RBFOX3: variants seen among roughly 807,000 people sequenced by gnomAD.
RBFOX3 encodes the protein RNA binding protein fox-1 homolog 3.
RBFOX3 carries 17 observed loss-of-function variants against 48.7 expected under a neutral mutation model. The ratio of observed to expected loss-of-function variants is 0.35; its 90% CI spans 0.24 to 0.52. RBFOX3 has a LOEUF of 0.52. Ranked by LOEUF, RBFOX3 falls within the 20% of genes least tolerant of loss-of-function variation. RBFOX3 has a pLI of 0.94. For synonymous variants in RBFOX3, 212 were observed against 209.5 expected (o/e 1.01, Z -0.10); for missense variants, 382 against 497.5 (o/e 0.77, Z 2.21).
At chr17:79,564,105 A>G (rs2092363124) in intron 1 of RBFOX3, among the ~76,000 whole-genome samples, 1 of 152,206 alleles carries the variant, frequency 6.6e-6, no homozygotes, top group Non-Finnish European at 1.5e-5. Flanking sequence ...AAGGTCACAC[A>G]GCTAAGGAAA....
chr17:79,412,719 G>T (rs1045341360), intron 2 of RBFOX3, among the ~76,000 whole-genome samples: 2 of 151,686 alleles, frequency 1.3e-5, no homozygotes, highest in African/African-American at 4.9e-5. Context: ...ATGTGTGAGG[G>T]CATGGTGCAT....
intron 2 of RBFOX3, among the ~76,000 whole-genome samples, chr17:79,355,322 G>A (rs2084770559): frequency 1.3e-5 from 2 of 152,210 alleles, no homozygotes; most frequent in South Asian, 4.1e-4. Context: ...TGTTTGCAGA[G>A]CAGGCTGACT....
At chr17:79,485,117 G>A (rs1018363969) in intron 1 of RBFOX3, among the ~76,000 whole-genome samples, 1 of 152,126 alleles carries the variant, frequency 6.6e-6, no homozygotes, top group Non-Finnish European at 1.5e-5. Context: ...GGCTGCCCAG[G>A]GCCTGGGCGA....
At chr17:79,248,688 A>C (rs1377820113) in intron 3 of RBFOX3, among the ~76,000 whole-genome samples, 1 of 152,122 alleles carries the variant, frequency 6.6e-6, no homozygotes, top group Non-Finnish European at 1.5e-5. Flanking sequence ...CCTCCAGAGG[A>C]TTCTCACCCC....
At position 79,484,883 on chromosome 17, in the gene RBFOX3, C is replaced by T. The variant is rs372254806; in HGVS notation, c.-319-2285G>A. On this transcript the variant is annotated intron_variant, in intron 1 of 14. Coordinates refer to ENST00000693108, the MANE Select transcript of RBFOX3 (RefSeq NM_001350451.2). ...CCCAGCTTCCAGCTGTTCCAATGACCGGAGAAGCAGAAGTTTCTGTAAGCC... is the reference window on the plus strand; with the variant it reads ...CCCAGCTTCCAGCTGTTCCAATGACTGGAGAAGCAGAAGTTTCTGTAAGCC... Among the ~76,000 whole-genome samples the T allele has an allele frequency of 6.6e-5, 10 of 152,302 alleles. No individual in the cohort carries two copies. The East Asian group carries it at 7.7e-4, about 12-fold the overall frequency.
intron 2 of RBFOX3, among the ~76,000 whole-genome samples, chr17:79,446,372 G>A (rs2072294545): frequency 6.6e-6 from 1 of 152,190 alleles, no homozygotes; most frequent in African/African-American, 2.4e-5. Context: ...TCAGGGCTGG[G>A]AGGAGAGGAA....
chr17:79,250,739 G>A (rs8075182), intron 3 of RBFOX3, among the ~76,000 whole-genome samples: 19,807 of 151,854 alleles, frequency 0.13, 1,806 homozygotes, highest in African/African-American at 0.27. Context: ...GGCTGTCCCC[G>A]TTTCTTTCTT....
intron 1 of RBFOX3, among the ~76,000 whole-genome samples, chr17:79,565,946 C>T (rs1449029695): frequency 6.6e-6 from 1 of 152,108 alleles, no homozygotes; most frequent in Non-Finnish European, 1.5e-5. Flanking sequence ...GCTATTTGGA[C>T]CCCAGTATTT....
chr17:79,379,746 T>C (rs1385262475), intron 2 of RBFOX3, among the ~76,000 whole-genome samples: 1 of 152,008 alleles, frequency 6.6e-6, no homozygotes, highest in Non-Finnish European at 1.5e-5. Flanking sequence ...ATGGCTTCCC[T>C]CACATCCAAT....
chr17:79,274,897 G>A (rs185564058), intron 3 of RBFOX3, among the ~76,000 whole-genome samples: 8 of 151,460 alleles, frequency 5.3e-5, no homozygotes, highest in South Asian at 4.2e-4. Context: ...TTCTCTCTAC[G>A]TCCTGCTAGT....
At chr17:79,606,169 A>G (rs2093825605) in intron 1 of RBFOX3, among the ~76,000 whole-genome samples, 1 of 152,158 alleles carries the variant, frequency 6.6e-6, no homozygotes, top group African/African-American at 2.4e-5. Flanking sequence ...AACCAGAAGG[A>G]CGCCTGGGCC....
intron 10 of RBFOX3, 22 bp downstream of exon 10, chr17:79,097,670 C>T (rs1296105351): frequency 6.5e-7 from 1 of 1,528,758 alleles, no homozygotes; most frequent in Non-Finnish European, 8.9e-7. Flanking sequence ...TCATCCCATC[C>T]CCGCCCCGCC....
intron 2 of RBFOX3, among the ~76,000 whole-genome samples, chr17:79,314,632 A>C (rs1219730840): frequency 7.3e-6 from 1 of 137,678 alleles, no homozygotes; most frequent in African/African-American, 2.4e-5. Flanking sequence ...GATTCTCCAC[A>C]GTAGATAAAA....
intron 4 of RBFOX3, among the ~76,000 whole-genome samples, chr17:79,130,100 A>T (rs1599572607): frequency 6.6e-6 from 1 of 152,078 alleles, no homozygotes; most frequent in Non-Finnish European, 1.5e-5. Context: ...ACTTGCTCCC[A>T]CCCCATCCAA....
chr17:79,518,578 C>T (rs980816294), intron 1 of RBFOX3, among the ~76,000 whole-genome samples: 1 of 152,192 alleles, frequency 6.6e-6, no homozygotes, highest in Non-Finnish European at 1.5e-5. Context: ...GGGGCCTGGA[C>T]GGCTGTGGGG....
chr17:79,445,054 T>C (rs528393449), intron 2 of RBFOX3, among the ~76,000 whole-genome samples: 1 of 152,198 alleles, frequency 6.6e-6, no homozygotes, highest in East Asian at 1.9e-4. Context: ...TCCTCAAGGT[T>C]CATGTGTGTT....
chr17:79,616,823 T>G, the RBFOX3 span, among the ~76,000 whole-genome samples: 1 of 152,212 alleles, frequency 6.6e-6, no homozygotes, highest in Admixed American at 6.5e-5. Context: ...TGCAAACATT[T>G]ATACTGTGTG....
intron 1 of RBFOX3, chr17:79,600,942 G>C (rs907899500): frequency 6.6e-6 from 1 of 152,502 alleles, no homozygotes; most frequent in Non-Finnish European, 1.5e-5. Context: ...GGTGAAGGAG[G>C]GGAGTGAGGA....
Position 79,390,501 on chromosome 17 carries a change from G to A in RBFOX3, c.-174-82677C>T, listed in dbSNP as rs1437108968. ...TGCTTTTTTTTTTTTTTTTTAGATGGAGTCTCGCTCTTGTCGCCCAGGCTG... is the reference window on the plus strand; with the variant it reads ...TGCTTTTTTTTTTTTTTTTTAGATGAAGTCTCGCTCTTGTCGCCCAGGCTG... On this transcript the variant is annotated intron_variant, in intron 2 of 14. Transcript: ENST00000693108. The surrounding 1 kb of genome is among the most constrained non-coding windows in gnomAD (Gnocchi z 4.2). 6.7e-6 allele frequency among the ~76,000 whole-genome samples: 1 copy of A among 148,946 alleles called. No individual in the cohort carries two copies. The highest frequency in any genetic ancestry group is 1.5e-5 in the Non-Finnish European group (1 of 67,480).
Sources: gnomAD v4.1 joint callset for allele counts (sites outside exome capture counted in the v4.1 genomes callset) on GRCh38, gnomAD v4.1.1 for gene constraint, Gnocchi (gnomAD v3.1) non-coding constraint, MANE v1.5 for transcripts, NCBI Gene and HGNC (gene_info 2026-07-23, HGNC 2026-07-21) for gene names.